ACHE: variants seen among roughly 807,000 people sequenced by gnomAD.
The protein encoded by ACHE is acetylcholinesterase.
A neutral mutation model predicts 53.9 loss-of-function variants in ACHE; 19 were observed. That is an observed-to-expected ratio of 0.35 (90% confidence interval 0.25 to 0.52). The LOEUF (loss-of-function observed/expected upper bound fraction) is 0.52, where lower values mean the gene tolerates loss of function less well. Ranked by LOEUF, ACHE falls within the 20% of genes least tolerant of loss-of-function variation. The pLI is 0.95. For synonymous variants in ACHE, 392 were observed against 378.1 expected, an observed-to-expected ratio of 1.04 and a Z score of -0.43; for missense variants, 605 against 849.4, an observed-to-expected ratio of 0.71 and a Z score of 3.58.
At chr7:100,891,035 T>A in intron 4 of ACHE, 134 bp downstream of exon 4, 1 of 1,457,060 alleles carries the variant, frequency 6.9e-7, no homozygotes, top group African/African-American at 1.4e-5. Flanking sequence ...AGGCCGGGCC[T>A]CGGAGCAGCC....
intron 4 of ACHE, 170 bp from the exon 5 acceptor site, chr7:100,890,505 CGA>C: frequency 1.0e-5 from 15 of 1,433,252 alleles, no homozygotes; most frequent in Non-Finnish European, 1.3e-5. Context: ...GTGCGAAAGA[CGA>C]GAGGGAGGAT....
rs893898463 is a variant in ACHE, at chr7:100,890,672, A to C, written c.1724-337T>G. ...CGTTATAGCCCCAATGGGGGGTGCT[A>C]CCCCGTCCGGGGCCTCCCACTTCCC... On this transcript the variant is annotated intron_variant, in intron 4 of 4. Transcript: ENST00000241069. The C allele has an allele frequency of 5.3e-6, 7 of 1,330,994 alleles. No individual in the cohort carries two copies. In the African/African-American group the frequency reaches 1.0e-4, roughly 20 times the overall value. 82.4% of individuals were successfully genotyped at this position (1,330,994 alleles called of 1,614,324 possible).
rs145798043 is a variant in ACHE, at chr7:100,894,283, G to A, written c.-20-31C>T. ...GGGAGAAAGAAAGGGAAAGGGTGAA[G>A]GGTCGGTCGAGAAGCCAGGAGGGAG... On this transcript the variant is annotated intron_variant, in intron 1 of 4. Transcript: ENST00000241069. 2.4e-3 allele frequency: 3,334 copies of A among 1,395,348 alleles called. 8 individuals carry two copies. Among genetic ancestry groups the A allele is most frequent in the Non-Finnish European group, 2.8e-3 (2,990 of 1,071,966 alleles). The allele number at this position is 1,395,348 out of a possible 1,614,324, so 86.4% of individuals were successfully genotyped here.
intron 4 of ACHE, chr7:100,890,786 C>T (rs17228602): frequency 0.021 from 28,304 of 1,355,694 alleles, 365 homozygotes; most frequent in Non-Finnish European, 0.024. Flanking sequence ...GCGTGGGGGT[C>T]CCTGAGAAGG....
In ACHE at chr7:100,892,441, G is replaced by A. The variant is rs768103053; in HGVS notation, c.1446C>T (p.Ile482=). ...LWMGVPHGYE[I]EFIFGIPLDP... ...CCAGGGGGATCCCAAAGATGAACTC[G>A]ATCTCGTAGCCGTGGGGCACCCCCA... The change falls in exon 3 of 5, where the codon ATC becomes ATT. Residue 482 remains isoleucine (I), a synonymous_variant. Transcript: ENST00000241069. This position sits in a 1 kb window ranked among gnomAD's most constrained non-coding sequence, Gnocchi z 5.2. 7.8e-6 allele frequency: 12 copies of A among 1,547,170 alleles called. No individual in the cohort carries two copies. The highest frequency in any genetic ancestry group is 6.0e-5 in the South Asian group (5 of 82,740).
At position 100,891,159 on chromosome 7, in the gene ACHE, C is replaced by G. The variant is rs1326128330; in HGVS notation, c.1723+10G>C. 2 of 1,596,590 alleles carry G rather than the reference C, an allele frequency of 1.3e-6. No homozygotes were observed. Among genetic ancestry groups the G allele is most frequent in the African/African-American group, 2.7e-5 (2 of 74,590 alleles). Reference sequence around the variant, plus strand: ...CTCCTCCCAGCCGCTGCCCGCTGGCCCCTGCATACCGGTGGCGCTGAGCAA... The same window carrying G: ...CTCCTCCCAGCCGCTGCCCGCTGGCGCCTGCATACCGGTGGCGCTGAGCAA... On this transcript the variant is annotated intron_variant, in intron 4 of 4. Transcript: ENST00000241069.
intron 3 of ACHE, among the ~76,000 whole-genome samples, 172 bp from the exon 4 acceptor site, chr7:100,891,510 C>T (rs1459896973): frequency 6.6e-6 from 1 of 152,062 alleles, no homozygotes; most frequent in East Asian, 1.9e-4. Context: ...TCCTCAAGCG[C>T]TCCGTCTCCT....
intron 4 of ACHE, 110 bp from the exon 5 acceptor site, chr7:100,890,445 G>A: frequency 6.7e-7 from 1 of 1,482,450 alleles, no homozygotes; most frequent in Non-Finnish European, 9.0e-7. Context: ...GAGGACGCAC[G>A]GAGAAATGCA....
chr7:100,890,982 G>A, intron 4 of ACHE, 187 bp downstream of exon 4: 2 of 1,462,868 alleles, frequency 1.4e-6, no homozygotes, highest in South Asian at 1.4e-5. Flanking sequence ...GGTGGGAGAG[G>A]AAGAGGAGGA....
chr7:100,895,483 G>A (rs1049455448), intron 1 of ACHE, among the ~76,000 whole-genome samples: 2 of 152,150 alleles, frequency 1.3e-5, no homozygotes, highest in Admixed American at 1.3e-4. Flanking sequence ...GCGCAGCTCG[G>A]GTACCGCCCC....
At chr7:100,895,974 CCCTCCCCGCTCTCCCGGGTGGCCA>C (rs1274529403), upstream of ACHE, 1 of 150,072 alleles carries the variant, frequency 6.7e-6, no homozygotes, top group African/African-American at 2.4e-5. Flanking sequence ...CCGCCCCCGC[CCCTCCCCGCTCTCCCGGGTGGCCA>C]CCTCCCCTCT....
chr7:100,890,198 G>A lies in ACHE; in HGVS notation c.*16C>T, dbSNP rs901037921. ...GGGGGCCGGGCGGAGCGGAGGACAT[G>A]GGGGTCCCGCCGGGGTCACAGGTCT... On this transcript the variant is annotated 3_prime_UTR_variant, in exon 5 of 5. Coordinates refer to ENST00000241069, the MANE Select transcript of ACHE (RefSeq NM_000665.5). 6.2e-7 allele frequency: 1 copy of A among 1,613,458 alleles called. No homozygotes were observed. The highest frequency in any genetic ancestry group is 1.3e-5 in the African/African-American group (1 of 74,930).
At chr7:100,891,518 C>G (rs762241314) in intron 3 of ACHE, among the ~76,000 whole-genome samples, 180 bp from the exon 4 acceptor site, 19 of 152,194 alleles carry the variant, frequency 1.2e-4, no homozygotes, top group Non-Finnish European at 2.4e-4. Context: ...CGCTCCGTCT[C>G]CTTCCGTTTC....
chr7:100,892,259 G>A lies in ACHE; in HGVS notation c.1553+75C>T, dbSNP rs1159541115. 4.2e-6 allele frequency: 6 copies of A among 1,443,558 alleles called. No homozygotes were observed. Among genetic ancestry groups the A allele is most frequent in the South Asian group, 3.4e-5 (2 of 59,596 alleles). The allele number at this position is 1,443,558 out of a possible 1,614,324, so 89.4% of individuals were successfully genotyped here. ...TGTCCCACCCGTCCTTTCTGTCTCC[G>A]TGTGTCTGCCTTTGTGTGTCCTCCC... On this transcript the variant is annotated intron_variant, in intron 3 of 4. Coordinates refer to ENST00000241069, the MANE Select transcript of ACHE (RefSeq NM_000665.5). This position sits in a 1 kb window ranked among gnomAD's most constrained non-coding sequence, Gnocchi z 5.2.
At position 100,893,956 on chromosome 7, in the gene ACHE, C is replaced by T. The variant is rs1343252087; in HGVS notation, c.277G>A (p.Ala93Thr). 14 of 1,609,598 alleles carry T rather than the reference C, an allele frequency of 8.7e-6. No individual in the cohort carries two copies. Among genetic ancestry groups the T allele is most frequent in the South Asian group, 1.1e-5 (1 of 90,592 alleles). Residue 93 changes from alanine (A) to threonine (T), a missense_variant, in exon 2 of 5, where the codon GCT becomes ACT. By Grantham distance (58) the Ala-to-Thr change is moderately conservative. Transcript: ENST00000241069. ...TAGCAGACACTCTGGAAGGTTGTAGCGTCTACCACCCCTGACCAAGGCTGC... is the reference window on the plus strand; with the variant it reads ...TAGCAGACACTCTGGAAGGTTGTAGTGTCTACCACCCCTGACCAAGGCTGC... ...PKQPWSGVVDATTFQSVCYQY... is the reference protein window; with the variant it reads ...PKQPWSGVVDTTTFQSVCYQY...
intron 1 of ACHE, 48 bp from the exon 2 acceptor site, chr7:100,894,300 AG>A: frequency 5.3e-6 from 7 of 1,313,048 alleles, no homozygotes; most frequent in Non-Finnish European, 7.0e-6. Flanking sequence ...TCGAGAAGCC[AG>A]GAGGGAGGAG....
chr7:100,890,039 G>A lies in ACHE; in HGVS notation c.*175C>T. Reference sequence around the variant, plus strand: ...CAGCCCAGAGGGGCGAAGGCACCGCGGGGGAGGGAGCTCAGCCTGAGACAT... The same window carrying A: ...CAGCCCAGAGGGGCGAAGGCACCGCAGGGGAGGGAGCTCAGCCTGAGACAT... On this transcript the variant is annotated 3_prime_UTR_variant, in exon 5 of 5. Coordinates refer to ENST00000241069, the MANE Select transcript of ACHE (RefSeq NM_000665.5). 1 of 712,700 alleles carries A rather than the reference G, an allele frequency of 1.4e-6. No individual in the cohort carries two copies. Among genetic ancestry groups the A allele is most frequent in the Non-Finnish European group, 2.2e-6 (1 of 450,424 alleles). The allele number at this position is 712,700 out of a possible 1,614,324, so 44.1% of individuals were successfully genotyped here. A position where few individuals can be genotyped will look rare whatever the true frequency, so the allele number is the denominator to read the frequency against.
At chr7:100,895,257 G>T (rs1403555885) in intron 1 of ACHE, among the ~76,000 whole-genome samples, 2 of 152,220 alleles carry the variant, frequency 1.3e-5, no homozygotes, top group African/African-American at 4.8e-5. Flanking sequence ...GCCCTGAGCG[G>T]GGGGTGGTGG....
At position 100,893,392 on chromosome 7, in the gene ACHE, G is replaced by A; in HGVS notation, c.841C>T (p.Gln281Ter). Residue 281 changes from glutamine to a stop codon, truncating the protein, a stop_gained, in exon 2 of 5, where the codon CAG becomes TAG. Coordinates refer to ENST00000241069, the MANE Select transcript of ACHE (RefSeq NM_000665.5). LOFTEE classifies it high-confidence loss of function. ...GGACAGCCCACAAGGTGGGCCAGCTGCGTGGCCCTGCGACGGGCCTCTCCC... is the reference window on the plus strand; with the variant it reads ...GGACAGCCCACAAGGTGGGCCAGCTACGTGGCCCTGCGACGGGCCTCTCCC... ...GMGEARRRAT[Q>*]LAHLVGCPPG... is the part of the protein sequence containing the mutation. The A allele has an allele frequency of 1.2e-6, 2 of 1,612,792 alleles. No individual in the cohort carries two copies. The highest frequency in any genetic ancestry group is 1.7e-6 in the Non-Finnish European group (2 of 1,179,924).
Sources: allele counts gnomAD v4.1 joint callset (sites outside exome capture counted in the v4.1 genomes callset), GRCh38; gene constraint gnomAD v4.1.1; non-coding constraint Gnocchi (gnomAD v3.1); transcripts MANE v1.5; gene names NCBI Gene and HGNC (gene_info 2026-07-23, HGNC 2026-07-21).